NOP58: variants seen among roughly 807,000 people sequenced by gnomAD.
NOP58 encodes NOP58 ribonucleoprotein.
In NOP58, 44 loss-of-function variants were observed where a neutral mutation model predicts 71.2. The observed-to-expected ratio is 0.62, with a 90% CI of 0.49 to 0.79. NOP58 has a LOEUF of 0.79. Ranked by LOEUF, NOP58 falls within the 30% of genes least tolerant of loss-of-function variation. The pLI is 0.00. For synonymous variants in NOP58, 228 were observed against 200.3 expected (o/e 1.14, Z -1.17); for missense variants, 538 against 620.2 (o/e 0.87, Z 1.41).
chr2:202,284,559 C>A (rs571602208), intron 5 of NOP58, 78 bp downstream of exon 5: 3 of 1,438,964 alleles, frequency 2.1e-6, no homozygotes, highest in Non-Finnish European at 9.6e-7. Flanking sequence ...AAGAATGTTA[C>A]AAATGCTCAT....
intron 9 of NOP58, among the ~76,000 whole-genome samples, chr2:202,294,150 C>T (rs1320957294): frequency 6.6e-6 from 1 of 151,648 alleles, no homozygotes; most frequent in Non-Finnish European, 1.5e-5. Context: ...AAAACCCCAT[C>T]TCTATTAACA....
intron 6 of NOP58, among the ~76,000 whole-genome samples, chr2:202,289,161 C>G (rs1420234464): frequency 6.6e-6 from 1 of 152,070 alleles, no homozygotes; most frequent in African/African-American, 2.4e-5. Flanking sequence ...CGATTCCTTT[C>G]CTAGATTTAT....
At chr2:202,280,306 C>G (rs1248039114) in intron 3 of NOP58, among the ~76,000 whole-genome samples, 1 of 152,002 alleles carries the variant, frequency 6.6e-6, no homozygotes, top group East Asian at 1.9e-4. Context: ...GGCAATATAG[C>G]AAGACCCCCT....
Position 202,295,746 on chromosome 2 carries a change from G to A in NOP58, c.980G>A (p.Arg327Lys). Residue 327 changes from arginine to lysine, a missense_variant, in exon 10 of 15, where the codon AGA becomes AAA. By Grantham distance (26) the Arg-to-Lys change is conservative. Transcript: ENST00000264279. ...CTTGGAGCTGAAAAGGCACTTTTCA[G>A]AGCCCTCAAATCTAGACGGGATACC... ...QILGAEKALF[R>K]ALKSRRDTPK... is the part of the protein sequence containing the mutation. 6.2e-7 allele frequency: 1 copy of A among 1,612,142 alleles called. No individual in the cohort carries two copies. The highest frequency in any genetic ancestry group is 8.5e-7 in the Non-Finnish European group (1 of 1,179,220).
intron 2 of NOP58, among the ~76,000 whole-genome samples, chr2:202,275,948 C>T (rs550519361): frequency 6.6e-6 from 1 of 152,238 alleles, no homozygotes; most frequent in South Asian, 2.1e-4. Context: ...GGAGTACAGG[C>T]GTGAGCCACC....
intron 5 of NOP58, among the ~76,000 whole-genome samples, chr2:202,286,945 T>A (rs1688797529): frequency 6.6e-6 from 1 of 152,188 alleles, no homozygotes; most frequent in African/African-American, 2.4e-5. Context: ...AACATTTTTA[T>A]ACAGACAATA....
chr2:202,266,161 C>T (rs1030204056), intron 1 of NOP58, among the ~76,000 whole-genome samples, 175 bp downstream of exon 1: 3 of 152,076 alleles, frequency 2.0e-5, no homozygotes, highest in Non-Finnish European at 4.4e-5. Flanking sequence ...AACACGTGGC[C>T]CCGCCGTTTG....
intron 6 of NOP58, among the ~76,000 whole-genome samples, chr2:202,289,144 C>T (rs184670619): frequency 6.6e-6 from 1 of 151,966 alleles, no homozygotes; most frequent in African/African-American, 2.4e-5. Flanking sequence ...AAAAAGCGCT[C>T]AACCAGCGAT....
At chr2:202,295,588 G>A (rs1688975077) in intron 9 of NOP58, 86 bp from the exon 10 acceptor site, 3 of 908,618 alleles carry the variant, frequency 3.3e-6, no homozygotes, top group East Asian at 2.6e-5. Context: ...TATGGTGGCT[G>A]TAATAATTCT....
chr2:202,273,418 ATTTCT>A (rs1334507058), intron 1 of NOP58, among the ~76,000 whole-genome samples: 3 of 152,288 alleles, frequency 2.0e-5, no homozygotes, highest in South Asian at 4.1e-4. Context: ...ATTTTTAATC[ATTTCT>A]TTTCAGCCAG....
In NOP58 at chr2:202,265,786, G is replaced by GTT; in HGVS notation, c.-154_-153dup. On this transcript the variant is annotated 5_prime_UTR_variant, in exon 1 of 15. Coordinates refer to ENST00000264279, the MANE Select transcript of NOP58 (RefSeq NM_015934.5). ...TCCTAGTTCCAGTACAGCGTGGAGGGTTTAGGCAGCGTGTTCTGATTCTTT... is the reference window on the plus strand; with the variant it reads ...TCCTAGTTCCAGTACAGCGTGGAGGGTTTTTAGGCAGCGTGTTCTGATTCTTT... 6 of 751,674 alleles carry GTT rather than the reference G, an allele frequency of 8.0e-6. No homozygotes were observed. The highest frequency in any genetic ancestry group is 1.1e-5 in the Non-Finnish European group (5 of 439,800). 46.6% of individuals were successfully genotyped at this position (751,674 alleles called of 1,614,324 possible).
intron 1 of NOP58, among the ~76,000 whole-genome samples, chr2:202,274,137 GAGA>G (rs1559259722): frequency 6.6e-6 from 1 of 152,170 alleles, no homozygotes; most frequent in Non-Finnish European, 1.5e-5. Flanking sequence ...GATAGTTTTA[GAGA>G]AATCCATAAT....
In NOP58 at chr2:202,284,390, C is replaced by T. The variant is rs757140358; in HGVS notation, c.343C>T (p.Leu115Phe). 2 of 1,613,064 alleles carry T rather than the reference C, an allele frequency of 1.2e-6. No individual in the cohort carries two copies. Among genetic ancestry groups the T allele is most frequent in the Non-Finnish European group, 8.5e-7 (1 of 1,179,316 alleles). ...TATCCATAGTCCTGTTGTTAATGAA[C>T]TTATGAGAGGAATTCGTTCACAAAT... ...SCIHSPVVNELMRGIRSQMDG... is the reference protein window; with the variant it reads ...SCIHSPVVNEFMRGIRSQMDG... Residue 115 changes from leucine (L) to phenylalanine (F), a missense_variant, in exon 5 of 15, where the codon CTT becomes TTT. Transcript: ENST00000264279.
chr2:202,285,759 G>A (rs905660279), intron 5 of NOP58, among the ~76,000 whole-genome samples: 4 of 152,146 alleles, frequency 2.6e-5, no homozygotes, highest in East Asian at 1.9e-4. Context: ...CTTTGGAATT[G>A]CACTACAGTT....
chr2:202,271,531 C>T (rs1220646977), intron 1 of NOP58, among the ~76,000 whole-genome samples: 5 of 151,866 alleles, frequency 3.3e-5, no homozygotes, highest in African/African-American at 9.7e-5. Flanking sequence ...CACGCCACTG[C>T]GGTCCAGCCT....
At chr2:202,279,082 A>G (rs544990065) in intron 3 of NOP58, among the ~76,000 whole-genome samples, 13 of 152,234 alleles carry the variant, frequency 8.5e-5, no homozygotes, top group Non-Finnish European at 1.8e-4. Flanking sequence ...GCTTTTAAGT[A>G]TGGGTAAACA....
At chr2:202,294,522 C>G (rs1024497517) in intron 9 of NOP58, among the ~76,000 whole-genome samples, 2 of 152,060 alleles carry the variant, frequency 1.3e-5, no homozygotes, top group Non-Finnish European at 2.9e-5. Context: ...TAAGCTCCCC[C>G]CTCCAAGAAT....
At chr2:202,303,252 A>T (rs960641585) in intron 14 of NOP58, 134 bp from the exon 15 acceptor site, 40 of 1,396,718 alleles carry the variant, frequency 2.9e-5, no homozygotes, top group Non-Finnish European at 3.7e-5. Context: ...ACTAAAAATC[A>T]AGTTTGCATT....
At chr2:202,298,981 G>A (rs1293795378) in intron 12 of NOP58, among the ~76,000 whole-genome samples, 1 of 13,606 alleles carries the variant, frequency 7.3e-5, no homozygotes, top group African/African-American at 1.5e-4. Flanking sequence ...TTTTTTTTTT[G>A]AGACAGTCTG....
Sources: gnomAD v4.1 joint callset for allele counts (sites outside exome capture counted in the v4.1 genomes callset) on GRCh38, gnomAD v4.1.1 for gene constraint, MANE v1.5 for transcripts, NCBI Gene and HGNC (gene_info 2026-07-23, HGNC 2026-07-21) for gene names.